Variants in TASP1 observed in about 807,000 individuals in gnomAD.
TASP1 encodes taspase 1.
In TASP1, 16 loss-of-function variants were observed where a neutral mutation model predicts 56.6. The ratio of observed to expected loss-of-function variants is 0.28; its 90% CI spans 0.19 to 0.43. The LOEUF is 0.43. Ranked by LOEUF, TASP1 falls within the 20% of genes least tolerant of loss-of-function variation. The probability of loss-of-function intolerance (pLI) is 1.00; values close to 1 mark genes in which losing one functional copy is unlikely to be tolerated. For synonymous variants in TASP1, 179 were observed against 184.2 expected (o/e 0.97, Z 0.23); for missense variants, 393 against 511.6 (o/e 0.77, Z 2.24).
chr20:13,110,204 G>A, the TASP1 span: 6 of 1,613,458 alleles, frequency 3.7e-6, no homozygotes, highest in African/African-American at 6.7e-5. Context: ...CATCCTGGTG[G>A]AGGGTGTCTA....
chr20:13,525,411 T>C (rs1601121005), intron 10 of TASP1, among the ~76,000 whole-genome samples: 1 of 152,152 alleles, frequency 6.6e-6, no homozygotes, highest in South Asian at 2.1e-4. Flanking sequence ...GTTTGAAAGG[T>C]CAGCTCCTGT....
the TASP1 span, among the ~76,000 whole-genome samples, chr20:13,225,033 T>A: frequency 6.6e-6 from 1 of 151,072 alleles, no homozygotes; most frequent in East Asian, 1.9e-4. Context: ...TTTTGTATTT[T>A]TAGTAGAGAC....
At chr20:13,547,499 A>T (rs2045849911) in intron 8 of TASP1, among the ~76,000 whole-genome samples, 1 of 152,232 alleles carries the variant, frequency 6.6e-6, no homozygotes, top group Admixed American at 6.5e-5. Context: ...TAATTCCAGA[A>T]GGAAGATAAT....
intron 10 of TASP1, among the ~76,000 whole-genome samples, chr20:13,511,178 G>GAA (rs565543408): frequency 2.9e-5 from 4 of 137,732 alleles, no homozygotes; most frequent in South Asian, 4.6e-4. Context: ...TCATTCCTAG[G>GAA]AAAAAAAAAA....
chr20:13,270,476 C>A, the TASP1 span: 1 of 1,592,416 alleles, frequency 6.3e-7, no homozygotes, highest in Non-Finnish European at 8.6e-7. Flanking sequence ...GTCTCCTTAA[C>A]AGGTGTTTGC....
chr20:13,366,892 T>TCA, the TASP1 span, among the ~76,000 whole-genome samples: 1 of 150,994 alleles, frequency 6.6e-6, no homozygotes, highest in African/African-American at 2.4e-5. Context: ...ACACTCTCTC[T>TCA]CACACACACA....
the TASP1 span, among the ~76,000 whole-genome samples, chr20:13,253,873 ATATATGTG>A: frequency 6.6e-6 from 1 of 151,484 alleles, no homozygotes; most frequent in Non-Finnish European, 1.5e-5. Context: ...ATATATATAT[ATATATGTG>A]TGTGTGTATG....
chr20:13,257,474 C>T, the TASP1 span, among the ~76,000 whole-genome samples: 6 of 152,218 alleles, frequency 3.9e-5, no homozygotes, highest in South Asian at 6.2e-4. Flanking sequence ...TGGTTCTCTG[C>T]GTCTTCCTCA....
chr20:13,274,539 G>A, the TASP1 span, among the ~76,000 whole-genome samples: 1 of 152,018 alleles, frequency 6.6e-6, no homozygotes, highest in Non-Finnish European at 1.5e-5. Context: ...CTTCCCCTCC[G>A]CACCTCCCCA....
chr20:13,197,901 C>G, the TASP1 span, among the ~76,000 whole-genome samples: 1 of 152,134 alleles, frequency 6.6e-6, no homozygotes, highest in Non-Finnish European at 1.5e-5. Flanking sequence ...GATATCCTCA[C>G]TGCAAAATAC....
the TASP1 span, among the ~76,000 whole-genome samples, chr20:13,138,565 G>C: frequency 8.6e-4 from 131 of 152,280 alleles, no homozygotes; most frequent in African/African-American, 2.7e-3. Context: ...AATGGGCACC[G>C]AACACTATAC....
chr20:13,277,389 G>T, the TASP1 span, among the ~76,000 whole-genome samples: 1 of 152,110 alleles, frequency 6.6e-6, no homozygotes, highest in African/African-American at 2.4e-5. Context: ...TAATAGCCTT[G>T]CAGACGATTG....
At chr20:13,112,513 C>T in the TASP1 span, among the ~76,000 whole-genome samples, 1 of 152,166 alleles carries the variant, frequency 6.6e-6, no homozygotes, top group African/African-American at 2.4e-5. Context: ...GACCCTACCC[C>T]CTGATGGAGG....
intron 5 of TASP1, among the ~76,000 whole-genome samples, chr20:13,584,084 A>C (rs182027678): frequency 6.6e-6 from 1 of 152,294 alleles, no homozygotes; most frequent in Non-Finnish European, 1.5e-5. Flanking sequence ...ACTCCATCTC[A>C]AAAATAAATA....
chr20:13,527,709 A>G (rs1206202462), intron 10 of TASP1, among the ~76,000 whole-genome samples: 1 of 152,152 alleles, frequency 6.6e-6, no homozygotes, highest in African/African-American at 2.4e-5. Flanking sequence ...TTACATTAAA[A>G]GTGTCGTTCA....
At chr20:13,206,014 A>G in the TASP1 span, among the ~76,000 whole-genome samples, 1 of 152,336 alleles carries the variant, frequency 6.6e-6, no homozygotes, top group African/African-American at 2.4e-5. Flanking sequence ...GGTCAGACAG[A>G]GACGCACTCC....
chr20:13,522,181 T>C (rs530993506), intron 10 of TASP1, among the ~76,000 whole-genome samples: 51 of 152,296 alleles, frequency 3.3e-4, no homozygotes, highest in African/African-American at 9.9e-4. Flanking sequence ...CAAGGCCTTA[T>C]AGGCCCTTCA....
chr20:13,182,468 C>A, the TASP1 span, among the ~76,000 whole-genome samples: 1 of 152,056 alleles, frequency 6.6e-6, no homozygotes, highest in African/African-American at 2.4e-5. Context: ...TGAGGGGTAA[C>A]CAGCCACTGT....
At chr20:13,616,441 T>C (rs755857140) in intron 4 of TASP1, among the ~76,000 whole-genome samples, 1 of 152,096 alleles carries the variant, frequency 6.6e-6, no homozygotes, top group Non-Finnish European at 1.5e-5. Flanking sequence ...AGGATGAATA[T>C]ATCTGATGAG....
Sources: allele counts gnomAD v4.1 joint callset (sites outside exome capture counted in the v4.1 genomes callset), GRCh38; gene constraint gnomAD v4.1.1; transcripts MANE v1.5; gene names NCBI Gene and HGNC (gene_info 2026-07-23, HGNC 2026-07-21).